Variants in GRIK2 observed in about 807,000 individuals in gnomAD.
GRIK2 encodes the protein glutamate receptor ionotropic, kainate 2.
In GRIK2, 32 loss-of-function variants were observed where a neutral mutation model predicts 100.3. That is an observed-to-expected ratio of 0.32 (90% CI 0.24 to 0.43). GRIK2 has a LOEUF of 0.43. GRIK2 is among the 20% of genes least tolerant of loss of function. The pLI is 1.00. For synonymous variants in GRIK2, 417 were observed against 389.4 expected (o/e 1.07, Z -0.83); for missense variants, 843 against 1,114.9 (o/e 0.76, Z 3.47).
chr6:101,868,577 GC>G, intron 11 of GRIK2, among the ~76,000 whole-genome samples: 1 of 151,400 alleles, frequency 6.6e-6, no homozygotes, highest in East Asian at 1.9e-4. Context: ...TAAAAAAGTG[GC>G]TTTTTTAAAG....
chr6:101,743,674 A>G (rs1179915773), intron 7 of GRIK2, among the ~76,000 whole-genome samples: 1 of 151,918 alleles, frequency 6.6e-6, no homozygotes, highest in Non-Finnish European at 1.5e-5. Context: ...TCAACCCTCA[A>G]TTTCATTCAT....
chr6:101,732,267 T>TC, intron 7 of GRIK2, among the ~76,000 whole-genome samples: 1 of 152,082 alleles, frequency 6.6e-6, no homozygotes, highest in Non-Finnish European at 1.5e-5. Flanking sequence ...CTATTTGGAT[T>TC]TTAAAGAAAT....
intron 7 of GRIK2, among the ~76,000 whole-genome samples, chr6:101,727,950 T>G (rs561323150): frequency 2.6e-5 from 4 of 152,052 alleles, no homozygotes; most frequent in Admixed American, 2.0e-4. Flanking sequence ...AAATAATTAT[T>G]TTTATTAATT....
intron 14 of GRIK2, among the ~76,000 whole-genome samples, chr6:102,015,624 C>A (rs1001371327): frequency 2.0e-5 from 3 of 152,168 alleles, no homozygotes; most frequent in Non-Finnish European, 4.4e-5. Context: ...CCCACTAGCA[C>A]CCCACAGCAG....
intron 7 of GRIK2, among the ~76,000 whole-genome samples, chr6:101,730,858 A>G (rs561542411): frequency 1.6e-3 from 240 of 152,052 alleles, no homozygotes; most frequent in Non-Finnish European, 1.8e-3. Context: ...GAGAATAAGG[A>G]TACAAAGTTA....
At chr6:101,795,652 C>T (rs376028666) in intron 7 of GRIK2, among the ~76,000 whole-genome samples, 1 of 152,206 alleles carries the variant, frequency 6.6e-6, no homozygotes, top group Non-Finnish European at 1.5e-5. Flanking sequence ...GCATCACATA[C>T]TGGTGTTTGC....
At chr6:101,407,663 A>G (rs1481946386) in intron 2 of GRIK2, among the ~76,000 whole-genome samples, 1 of 151,648 alleles carries the variant, frequency 6.6e-6, no homozygotes, top group East Asian at 1.9e-4. Flanking sequence ...TCCTTTACTC[A>G]GTGTCAAAGC....
chr6:101,674,014 T>C (rs1770638799), intron 4 of GRIK2, among the ~76,000 whole-genome samples: 1 of 152,218 alleles, frequency 6.6e-6, no homozygotes, highest in African/African-American at 2.4e-5. Context: ...ATATTTTTTC[T>C]CTTTTTTCTG....
chr6:101,714,186 A>G (rs537208115), intron 7 of GRIK2, among the ~76,000 whole-genome samples: 4 of 151,868 alleles, frequency 2.6e-5, no homozygotes, highest in African/African-American at 9.6e-5. Context: ...TAGCATTTGT[A>G]AAGTTCTTTT....
At chr6:102,029,512 TATTG>T (rs776221928) in intron 14 of GRIK2, among the ~76,000 whole-genome samples, 9 of 151,264 alleles carry the variant, frequency 5.9e-5, no homozygotes, top group Non-Finnish European at 7.4e-5. Flanking sequence ...AGCTCCCATT[TATTG>T]ATTTTTACGT....
At chr6:101,891,705 C>T (rs1474531957) in intron 12 of GRIK2, 2 of 319,712 alleles carry the variant, frequency 6.3e-6, no homozygotes, top group Non-Finnish European at 1.2e-5. Context: ...AAGCATATTG[C>T]CATATAGCAT....
intron 14 of GRIK2, among the ~76,000 whole-genome samples, chr6:102,028,842 G>A (rs1582750264): frequency 6.6e-6 from 1 of 150,736 alleles, no homozygotes; most frequent in Admixed American, 6.6e-5. Flanking sequence ...TTTAAGGCAA[G>A]GAGCTTTGGT....
chr6:101,493,185 ATAAAG>A (rs1269719303), intron 2 of GRIK2, among the ~76,000 whole-genome samples: 2 of 152,054 alleles, frequency 1.3e-5, no homozygotes, highest in Admixed American at 6.6e-5. Flanking sequence ...TCCAGTGAGA[ATAAAG>A]AGAAGAGAAG....
intron 4 of GRIK2, among the ~76,000 whole-genome samples, chr6:101,633,255 T>C (rs1191755008): frequency 6.6e-6 from 1 of 152,108 alleles, no homozygotes; most frequent in African/African-American, 2.4e-5. Flanking sequence ...AAAATTGGCA[T>C]ATATCCATTC....
At chr6:101,650,089 AAGC>A (rs761614557) in intron 4 of GRIK2, among the ~76,000 whole-genome samples, 1 of 152,116 alleles carries the variant, frequency 6.6e-6, no homozygotes, top group Non-Finnish European at 1.5e-5. Flanking sequence ...AGCAGCCTGA[AAGC>A]AGGTTGGACC....
intron 10 of GRIK2, among the ~76,000 whole-genome samples, chr6:101,856,220 TAAAAG>T (rs1784419420): frequency 6.6e-6 from 1 of 152,086 alleles, no homozygotes; most frequent in Non-Finnish European, 1.5e-5. Context: ...TCAAATGAGC[TAAAAG>T]AAAGGGAAGC....
At chr6:101,702,477 A>C (rs1264893781) in intron 7 of GRIK2, among the ~76,000 whole-genome samples, 1 of 151,964 alleles carries the variant, frequency 6.6e-6, no homozygotes, top group African/African-American at 2.4e-5. Flanking sequence ...TTTATAATAA[A>C]TTTTCTGTGC....
At chr6:102,007,536 A>G (rs2114296422) in intron 14 of GRIK2, among the ~76,000 whole-genome samples, 1 of 152,194 alleles carries the variant, frequency 6.6e-6, no homozygotes, top group Non-Finnish European at 1.5e-5. Flanking sequence ...TGGAGGTGGC[A>G]ATACTACATT....
chr6:101,416,826 C>T (rs1776160393), intron 2 of GRIK2, among the ~76,000 whole-genome samples: 1 of 152,132 alleles, frequency 6.6e-6, no homozygotes, highest in Non-Finnish European at 1.5e-5. Context: ...CTAATGTTGT[C>T]ATCTATGGAG....
Sources: allele counts gnomAD v4.1 joint callset (sites outside exome capture counted in the v4.1 genomes callset), GRCh38; gene constraint gnomAD v4.1.1; transcripts MANE v1.5; gene names NCBI Gene and HGNC (gene_info 2026-07-23, HGNC 2026-07-21).